NSD3: variants seen among roughly 807,000 people sequenced by gnomAD.
NSD3 encodes histone-lysine N-methyltransferase NSD3.
In NSD3, 24 loss-of-function variants were observed where a neutral mutation model predicts 160.8. The ratio of observed to expected loss-of-function variants is 0.15; its 90% CI spans 0.11 to 0.21. The LOEUF (loss-of-function observed/expected upper bound fraction) is 0.21. NSD3 is among the 10% of genes least tolerant of loss of function. NSD3 has a pLI of 1.00. For missense variants in NSD3, 1,157 were observed against 1,735.9 expected (o/e 0.67, Z 5.93); for synonymous variants, 520 against 600.0 (o/e 0.87, Z 1.95).
chr8:38,379,074 G>C (rs2150399261), intron 1 of NSD3, among the ~76,000 whole-genome samples: 1 of 151,702 alleles, frequency 6.6e-6, no homozygotes, highest in South Asian at 2.1e-4. Context: ...CAGTGTAAGA[G>C]ACGGCATTTG....
chr8:38,360,049 G>A (rs1810922485), intron 1 of NSD3, among the ~76,000 whole-genome samples: 1 of 149,996 alleles, frequency 6.7e-6, no homozygotes, highest in African/African-American at 2.5e-5. Context: ...AGGCTGGAGT[G>A]CAGTGGTGCA....
intron 12 of NSD3, among the ~76,000 whole-genome samples, chr8:38,311,771 CAA>C (rs1010094217): frequency 1.7e-4 from 26 of 152,128 alleles, no homozygotes; most frequent in African/African-American, 6.3e-4. Flanking sequence ...CTTTGGTGTA[CAA>C]AAGTTTTTAA....
intron 19 of NSD3, 34 bp from the exon 20 acceptor site, chr8:38,281,617 CAG>C: frequency 6.9e-7 from 1 of 1,453,758 alleles, no homozygotes; most frequent in Non-Finnish European, 9.5e-7. Context: ...AACTTAAAAT[CAG>C]TGTATTATAT....
In NSD3 at chr8:38,315,484, C is replaced by T. The variant is rs779807362; in HGVS notation, c.2047G>A (p.Val683Met). 1.9e-6 allele frequency: 3 copies of T among 1,612,842 alleles called. No homozygotes were observed. The highest frequency in any genetic ancestry group is 2.5e-6 in the Non-Finnish European group (3 of 1,179,584). ...GACAAACTTGAATCCATGGACTGCACATCAGAAACGTCTGCATCTGCAGTA... is the reference window on the plus strand; with the variant it reads ...GACAAACTTGAATCCATGGACTGCATATCAGAAACGTCTGCATCTGCAGTA... ...SATADADVSD[V>M]QSMDSSLSRR... Residue 683 changes from valine to methionine, a missense_variant, in exon 11 of 24, where the codon GTG becomes ATG. This residue lies in a region of NSD3 where 437 missense variants were observed against 576.6 expected (regional missense o/e 0.76). Transcript: ENST00000317025.
intron 1 of NSD3, among the ~76,000 whole-genome samples, chr8:38,369,107 G>C (rs1811175248): frequency 6.6e-6 from 1 of 152,054 alleles, no homozygotes; most frequent in African/African-American, 2.4e-5. Flanking sequence ...AATTTACTAA[G>C]TTTATCTTTT....
At chr8:38,285,883 G>A (rs1036788044) in intron 19 of NSD3, among the ~76,000 whole-genome samples, 3 of 152,038 alleles carry the variant, frequency 2.0e-5, no homozygotes, top group African/African-American at 4.8e-5. Flanking sequence ...GTGATTCCAC[G>A]TCACCATTGT....
At chr8:38,372,982 G>A (rs1811290307) in intron 1 of NSD3, among the ~76,000 whole-genome samples, 1 of 149,922 alleles carries the variant, frequency 6.7e-6, no homozygotes, top group Non-Finnish European at 1.5e-5. Context: ...CCCGGGACGC[G>A]GAGGTTGCAG....
At chr8:38,337,163 A>T (rs577543669) in intron 4 of NSD3, 142 bp downstream of exon 4, 1 of 885,798 alleles carries the variant, frequency 1.1e-6, no homozygotes, top group East Asian at 3.4e-5. Context: ...AGAAAAAAAA[A>T]AAATCCACAA....
At chr8:38,331,607 A>T (rs1050061624) in intron 4 of NSD3, 22 bp from the exon 5 acceptor site, 11 of 1,610,582 alleles carry the variant, frequency 6.8e-6, no homozygotes, top group Non-Finnish European at 9.3e-6. Flanking sequence ...AATTCTTATT[A>T]ACCATTTCAG....
chr8:38,338,445 TA>T, intron 3 of NSD3, 90 bp downstream of exon 3: 3 of 1,037,024 alleles, frequency 2.9e-6, no homozygotes, highest in Non-Finnish European at 4.6e-6. Flanking sequence ...TTAAGAAGCG[TA>T]GTACCAATAC....
At chr8:38,330,021 A>G (rs1810015879) in intron 5 of NSD3, 128 bp from the exon 6 acceptor site, 1 of 1,092,136 alleles carries the variant, frequency 9.2e-7, no homozygotes, top group African/African-American at 1.6e-5. Context: ...CTTTGGTCAA[A>G]CAAGTGGAAT....
intron 12 of NSD3, among the ~76,000 whole-genome samples, chr8:38,311,093 T>A (rs1025907622): frequency 2.0e-5 from 3 of 150,788 alleles, no homozygotes; most frequent in South Asian, 4.2e-4. Context: ...TTTTTTTTTT[T>A]AATAGAGACA....
In NSD3 at chr8:38,286,233, C is replaced by T. The variant is rs75328631; in HGVS notation, c.3501+2254G>A. Among the ~76,000 whole-genome samples, 828 of 152,268 alleles carry T rather than the reference C, an allele frequency of 5.4e-3. 3 individuals carry two copies. The highest frequency in any genetic ancestry group is 9.0e-3 in the Non-Finnish European group (613 of 68,016). On this transcript the variant is annotated intron_variant, in intron 19 of 23. Transcript: ENST00000317025. ...AGGAAGCAAGTGGCATGCTGGGAAT[C>T]CCATGTGGCAAGGAACTGTGGGCAG...
At chr8:38,277,568 C>T (rs754358040) in intron 22 of NSD3, among the ~76,000 whole-genome samples, 7 of 152,200 alleles carry the variant, frequency 4.6e-5, no homozygotes, top group South Asian at 2.1e-4. Context: ...TGAGCCACCA[C>T]GCCCAGCCAG....
chr8:38,300,624 G>A (rs1266161056), intron 14 of NSD3, among the ~76,000 whole-genome samples: 1 of 152,142 alleles, frequency 6.6e-6, no homozygotes, highest in Non-Finnish European at 1.5e-5. Flanking sequence ...GCTACTTGGA[G>A]GAAAACACTA....
chr8:38,341,232 C>T (rs750534515), intron 2 of NSD3, among the ~76,000 whole-genome samples: 3 of 151,964 alleles, frequency 2.0e-5, no homozygotes, highest in Non-Finnish European at 4.4e-5. Context: ...TCAGGAAAAG[C>T]CTCTCTAAGA....
intron 20 of NSD3, among the ~76,000 whole-genome samples, chr8:38,280,631 C>CA (rs1808710113): frequency 6.6e-6 from 1 of 152,090 alleles, no homozygotes; most frequent in African/African-American, 2.4e-5. Flanking sequence ...CTCTGTAAAT[C>CA]AGAGAACTGA....
chr8:38,376,690 GCC>G (rs1451236176), intron 1 of NSD3, among the ~76,000 whole-genome samples: 6 of 152,128 alleles, frequency 3.9e-5, no homozygotes. Context: ...ACCCGCCTTG[GCC>G]CCGCAAAGTG....
intron 16 of NSD3, among the ~76,000 whole-genome samples, chr8:38,292,375 G>T (rs1377872642): frequency 6.6e-6 from 1 of 152,220 alleles, no homozygotes; most frequent in Non-Finnish European, 1.5e-5. Context: ...GGCCAGGTGT[G>T]GTGGCTCAGG....
Sources: gnomAD v4.1 joint callset for allele counts (sites outside exome capture counted in the v4.1 genomes callset) on GRCh38, gnomAD v4.1.1 for gene constraint, gnomAD v4.1.1 regional missense constraint, MANE v1.5 for transcripts, NCBI Gene and HGNC (gene_info 2026-07-23, HGNC 2026-07-21) for gene names.